The following NEDD1 variants were observed in gnomAD, a reference collection of about 807,000 sequenced individuals.
NEDD1 encodes NEDD1 gamma-tubulin ring complex targeting factor.
NEDD1 carries 33 observed loss-of-function variants against 74.0 expected under a neutral mutation model. The observed-to-expected ratio is 0.45, with a 90% confidence interval of 0.34 to 0.60. NEDD1 has a LOEUF of 0.60. NEDD1 is among the 20% of genes least tolerant of loss of function. NEDD1 has a pLI of 0.01. For missense variants in NEDD1, 746 were observed against 776.5 expected, an observed-to-expected ratio of 0.96 and a Z score of 0.47; for synonymous variants, 250 against 264.4, an observed-to-expected ratio of 0.95 and a Z score of 0.53.
chr12:96,930,243 T>TCTCA (rs1273351160), intron 6 of NEDD1, among the ~76,000 whole-genome samples: 1 of 149,658 alleles, frequency 6.7e-6, no homozygotes, highest in South Asian at 2.1e-4. Flanking sequence ...TCTCTCTCTC[T>TCTCA]CACACTCTCA....
intron 1 of NEDD1, 31 bp from the exon 2 acceptor site, chr12:96,907,573 T>G (rs1416694747): frequency 6.5e-7 from 1 of 1,548,038 alleles, no homozygotes; most frequent in African/African-American, 1.4e-5. Flanking sequence ...GTCTCCTTTT[T>G]TGTCAACCTC....
intron 2 of NEDD1, among the ~76,000 whole-genome samples, chr12:96,908,591 C>T (rs1940999590): frequency 6.6e-6 from 1 of 152,244 alleles, no homozygotes; most frequent in African/African-American, 2.4e-5. Flanking sequence ...GTGAAATCAC[C>T]TTGTTAGAAT....
chr12:96,935,336 A>G, intron 7 of NEDD1, 131 bp downstream of exon 7: 1 of 615,992 alleles, frequency 1.6e-6, no homozygotes, highest in Admixed American at 3.0e-5. Flanking sequence ...TGATGGATCT[A>G]GTAAGAAAGA....
chr12:96,932,596 A>G lies in NEDD1; in HGVS notation c.490-2380A>G, dbSNP rs1201314129. On this transcript the variant is annotated intron_variant, in intron 6 of 15. Transcript: ENST00000266742. ...GATTCTTAGCTAATATCTTAATGAT[A>G]TTCTAAAGAGAAGATTTAACAGATA... Among the ~76,000 whole-genome samples, 7 of 147,194 alleles carry G rather than the reference A, an allele frequency of 4.8e-5. No individual in the cohort carries two copies. In the South Asian group the frequency reaches 6.5e-4, roughly 14 times the overall value.
intron 3 of NEDD1, among the ~76,000 whole-genome samples, chr12:96,910,524 G>A (rs550779205): frequency 6.6e-6 from 1 of 152,234 alleles, no homozygotes; most frequent in East Asian, 1.9e-4. Flanking sequence ...CCTCAATGTG[G>A]ATAAAATAAA....
At chr12:96,930,309 C>G (rs1316822601) in intron 6 of NEDD1, among the ~76,000 whole-genome samples, 2 of 151,708 alleles carry the variant, frequency 1.3e-5, no homozygotes, top group African/African-American at 2.4e-5. Flanking sequence ...GGAGAACTCA[C>G]AGGATTCTGT....
At chr12:96,940,189 T>G (rs1462253108) in intron 9 of NEDD1, among the ~76,000 whole-genome samples, 1 of 152,048 alleles carries the variant, frequency 6.6e-6, no homozygotes, top group Non-Finnish European at 1.5e-5. Context: ...TTTTGTTCCA[T>G]GAAAATCCTG....
chr12:96,917,954 A>G (rs1035513164), intron 5 of NEDD1, among the ~76,000 whole-genome samples: 1 of 152,160 alleles, frequency 6.6e-6, no homozygotes, highest in Non-Finnish European at 1.5e-5. Flanking sequence ...ATCAACATTT[A>G]CAACTTTTTT....
chr12:96,953,300 A>C lies in NEDD1; in HGVS notation c.*1247A>C, dbSNP rs1358166692. 6.6e-6 allele frequency: 1 copy of C among 151,688 alleles called. No homozygotes were observed. The highest frequency in any genetic ancestry group is 1.5e-5 in the Non-Finnish European group (1 of 67,704). 9.4% of individuals were successfully genotyped at this position (151,688 alleles called of 1,614,324 possible). ...ATTTTTAAGGATATATTTAATAAGCATAAACTTACTAATAATTACTTCCAA... is the reference window on the plus strand; with the variant it reads ...ATTTTTAAGGATATATTTAATAAGCCTAAACTTACTAATAATTACTTCCAA... On this transcript the variant is annotated 3_prime_UTR_variant, in exon 16 of 16. Transcript: ENST00000266742.
intron 12 of NEDD1, 107 bp from the exon 13 acceptor site, chr12:96,944,532 C>T: frequency 1.1e-5 from 6 of 541,236 alleles, no homozygotes; most frequent in South Asian, 3.7e-5. Flanking sequence ...TCCTTCATTT[C>T]TATTAACCTA....
chr12:96,930,866 G>A (rs1876389938), intron 6 of NEDD1, among the ~76,000 whole-genome samples: 1 of 152,050 alleles, frequency 6.6e-6, no homozygotes, highest in Non-Finnish European at 1.5e-5. Context: ...TCACAGTATT[G>A]ACGGTCATTC....
intron 14 of NEDD1, among the ~76,000 whole-genome samples, chr12:96,950,053 A>ACCTGC (rs1299146125): frequency 2.0e-5 from 3 of 152,068 alleles, no homozygotes; most frequent in African/African-American, 7.2e-5. Context: ...GTGAAGGGAT[A>ACCTGC]AGAAGATACC....
chr12:96,935,190 A>G lies in NEDD1; in HGVS notation c.704A>G (p.Asp235Gly), dbSNP rs772667382. The G allele has an allele frequency of 6.3e-7, 1 of 1,575,784 alleles. No individual in the cohort carries two copies. The highest frequency in any genetic ancestry group is 1.1e-5 in the South Asian group (1 of 90,266). Reference protein sequence around the residue: ...IGLDKRIILYDTSSKKLVKTL... With the variant: ...IGLDKRIILYGTSSKKLVKTL... Reference sequence around the variant, plus strand: ...TTGGATAAAAGAATCATCCTCTATGACACTTCAAGTAAGAAGTAAGTGTGA... The same window carrying G: ...TTGGATAAAAGAATCATCCTCTATGGCACTTCAAGTAAGAAGTAAGTGTGA... The change falls in exon 7 of 16, where the codon GAC becomes GGC. Residue 235 changes from aspartate (D) to glycine (G), a missense_variant. By Grantham distance (94) the Asp-to-Gly change is moderately conservative. Around this residue, in one of 3 missense-constraint regions of NEDD1, gnomAD observed 706 missense variants for 706.7 expected, o/e 1.00. Transcript: ENST00000266742.
intron 6 of NEDD1, among the ~76,000 whole-genome samples, chr12:96,932,463 A>AAAAAAAAAAAAAAT: frequency 2.1e-4 from 2 of 9,442 alleles, no homozygotes; most frequent in African/African-American, 3.4e-4. Flanking sequence ...AAAAAAAAAA[A>AAAAAAAAAAAAAAT]ATATATATAT....
At chr12:96,909,687 G>A (rs940177210) in intron 2 of NEDD1, 65 bp from the exon 3 acceptor site, 96 of 1,312,942 alleles carry the variant, frequency 7.3e-5, no homozygotes, top group Middle Eastern at 3.8e-4. Flanking sequence ...ATTAGATTTT[G>A]ACCTTTTTTT....
At chr12:96,928,686 T>C (rs1464846066) in intron 6 of NEDD1, among the ~76,000 whole-genome samples, 1 of 143,552 alleles carries the variant, frequency 7.0e-6, no homozygotes, top group African/African-American at 2.6e-5. Context: ...TGTTTCTTTT[T>C]TTTTTTTTTT....
In NEDD1 at chr12:96,917,598, CTT is replaced by C. The variant is rs11333833; in HGVS notation, c.232-8_232-7del. On this transcript the variant is annotated intron_variant, in intron 4 of 15. Coordinates refer to ENST00000266742, the MANE Select transcript of NEDD1 (RefSeq NM_152905.4). The stretch of plus-strand genomic sequence containing the variant: ...TCTGGGCTCTGTTAAATTAAGGTAA[CTT>C]TTTTTTTTTTTTTTAAATAGCAAAA... The C allele has an allele frequency of 0.061, 75,515 of 1,234,366 alleles. 3 individuals are homozygous for C. Among genetic ancestry groups the C allele is most frequent in the East Asian group, 0.092 (2,997 of 32,472 alleles). 76.5% of individuals were successfully genotyped at this position (1,234,366 alleles called of 1,614,324 possible). A position where few individuals can be genotyped will look rare whatever the true frequency, so the allele number is the denominator to read the frequency against.
intron 13 of NEDD1, 95 bp downstream of exon 13, chr12:96,944,890 C>A: frequency 3.2e-6 from 3 of 932,398 alleles, no homozygotes; most frequent in South Asian, 4.2e-5. Context: ...TAATCATAGA[C>A]TAAAAATGTT....
chr12:96,917,777 T>G, intron 5 of NEDD1, 40 bp downstream of exon 5: 1 of 1,526,030 alleles, frequency 6.6e-7, no homozygotes, highest in East Asian at 2.5e-5. Flanking sequence ...AAAATGGATA[T>G]CTTAATGCAT....
Sources: allele counts gnomAD v4.1 joint callset (sites outside exome capture counted in the v4.1 genomes callset), GRCh38; gene constraint gnomAD v4.1.1; regional missense constraint gnomAD v4.1.1; transcripts MANE v1.5; gene names NCBI Gene and HGNC (gene_info 2026-07-23, HGNC 2026-07-21).